The following ZNF804B variants were observed in gnomAD, a reference collection of about 807,000 sequenced individuals.
ZNF804B encodes the protein zinc finger 804B.
In ZNF804B, 80 loss-of-function variants were observed where a neutral mutation model predicts 101.4. That is an observed-to-expected ratio of 0.79 (90% confidence interval 0.66 to 0.95). ZNF804B has a LOEUF of 0.95. Ranked by LOEUF, ZNF804B falls within the 40% of genes least tolerant of loss-of-function variation. The pLI is 0.00. For missense variants in ZNF804B, 1,673 were observed against 1,561.9 expected (o/e 1.07, Z -1.20); for synonymous variants, 622 against 558.8 (o/e 1.11, Z -1.59).
At chr7:89,285,549 G>A (rs71541405) in intron 2 of ZNF804B, among the ~76,000 whole-genome samples, 7,510 of 40,984 alleles carry the variant, frequency 0.18, 348 homozygotes, top group Non-Finnish European at 0.22. Flanking sequence ...AAAAAAAAAA[G>A]AAGAAGAAGA....
chr7:89,222,278 A>G (rs1055077276), intron 2 of ZNF804B, among the ~76,000 whole-genome samples: 3 of 151,888 alleles, frequency 2.0e-5, no homozygotes, highest in Non-Finnish European at 2.9e-5. Flanking sequence ...TGCTTTTTGC[A>G]GTGCATCTTG....
Position 89,334,976 on chromosome 7 carries a change from G to A in ZNF804B, c.1994G>A (p.Gly665Asp). ...NCKSSPCTVG[G>D]HSDHGKDFSV... ...AAGTCCAGTCCTTGTACAGTAGGGG[G>A]TCACAGTGACCATGGGAAAGACTTC... Residue 665 changes from glycine (G) to aspartate (D), a missense_variant, in exon 4 of 4, where the codon GGT (glycine) becomes GAT (aspartate). Coordinates refer to ENST00000333190, the MANE Select transcript of ZNF804B (RefSeq NM_181646.5). 1 of 1,613,908 alleles carries A rather than the reference G, an allele frequency of 6.2e-7. No homozygotes were observed. Among genetic ancestry groups the A allele is most frequent in the Middle Eastern group, 1.6e-4 (1 of 6,062 alleles).
intron 1 of ZNF804B, among the ~76,000 whole-genome samples, chr7:89,000,655 T>C (rs1788272617): frequency 1.3e-5 from 2 of 151,820 alleles, no homozygotes; most frequent in Non-Finnish European, 2.9e-5. Context: ...TCACTGCCTC[T>C]GATAGCCACC....
At chr7:88,896,850 G>A (rs1283906939) in intron 1 of ZNF804B, among the ~76,000 whole-genome samples, 1 of 152,148 alleles carries the variant, frequency 6.6e-6, no homozygotes, top group East Asian at 1.9e-4. Flanking sequence ...ATTTGGCAGG[G>A]CATTTGAAAG....
At chr7:89,009,177 T>G (rs923759446) in intron 1 of ZNF804B, among the ~76,000 whole-genome samples, 2 of 152,226 alleles carry the variant, frequency 1.3e-5, no homozygotes, top group Admixed American at 6.6e-5. Flanking sequence ...ATTTTCACTT[T>G]TCTTCTTTTA....
At chr7:89,152,992 T>A (rs999694958) in intron 1 of ZNF804B, among the ~76,000 whole-genome samples, 2 of 152,118 alleles carry the variant, frequency 1.3e-5, no homozygotes, top group Non-Finnish European at 2.9e-5. Flanking sequence ...AACTTAAATG[T>A]CATAAATCTT....
intron 1 of ZNF804B, among the ~76,000 whole-genome samples, chr7:89,102,471 G>A (rs1483894257): frequency 6.6e-6 from 1 of 151,834 alleles, no homozygotes; most frequent in African/African-American, 2.4e-5. Context: ...TTTGTTGGTC[G>A]CTTGTGTTTC....
At chr7:88,824,209 C>T (rs1238533332) in intron 1 of ZNF804B, among the ~76,000 whole-genome samples, 1 of 152,072 alleles carries the variant, frequency 6.6e-6, no homozygotes, top group African/African-American at 2.4e-5. Flanking sequence ...GTTTCCCCAC[C>T]CATATCTCAT....
chr7:89,088,014 C>T (rs563446311), intron 1 of ZNF804B, among the ~76,000 whole-genome samples: 12 of 150,658 alleles, frequency 8.0e-5, no homozygotes, highest in South Asian at 2.1e-4. Flanking sequence ...TAATTTATTT[C>T]GTTTCCACCA....
intron 1 of ZNF804B, among the ~76,000 whole-genome samples, chr7:89,174,731 C>T (rs575311656): frequency 3.2e-4 from 48 of 151,996 alleles, no homozygotes; most frequent in Non-Finnish European, 7.4e-5. Context: ...ATGAGGGTTT[C>T]CTTTTCCATA....
intron 1 of ZNF804B, among the ~76,000 whole-genome samples, chr7:89,204,072 A>T: frequency 6.6e-6 from 1 of 152,196 alleles, no homozygotes; most frequent in East Asian, 1.9e-4. Context: ...GACTCTCACA[A>T]ATTTTAAATT....
chr7:88,902,260 T>C (rs905834133), intron 1 of ZNF804B, among the ~76,000 whole-genome samples: 7 of 152,022 alleles, frequency 4.6e-5, no homozygotes, highest in African/African-American at 1.2e-4. Context: ...GTTTTTATTA[T>C]TTCCCAAAAC....
intron 1 of ZNF804B, among the ~76,000 whole-genome samples, chr7:88,815,985 T>A (rs1170585526): frequency 6.6e-6 from 1 of 152,184 alleles, no homozygotes; most frequent in African/African-American, 2.4e-5. Context: ...CCAGGCCTCT[T>A]GCTGTTGAAT....
chr7:89,078,295 G>GA (rs1420810309), intron 1 of ZNF804B, among the ~76,000 whole-genome samples: 1 of 151,964 alleles, frequency 6.6e-6, no homozygotes, highest in Non-Finnish European at 1.5e-5. Context: ...TTTGTGCTAG[G>GA]AAAAACAAAT....
intron 1 of ZNF804B, among the ~76,000 whole-genome samples, chr7:88,935,510 C>G (rs1288792040): frequency 6.6e-6 from 1 of 151,572 alleles, no homozygotes; most frequent in Non-Finnish European, 1.5e-5. Context: ...ATGGTGAGAC[C>G]TCACTCTATT....
At chr7:89,256,594 A>C (rs147922257) in intron 2 of ZNF804B, among the ~76,000 whole-genome samples, 43 of 152,316 alleles carry the variant, frequency 2.8e-4, no homozygotes, top group African/African-American at 1.0e-3. Context: ...AAGCACTTAA[A>C]ATAAACATTC....
At chr7:89,213,779 T>C (rs1788840276) in intron 1 of ZNF804B, among the ~76,000 whole-genome samples, 1 of 151,174 alleles carries the variant, frequency 6.6e-6, no homozygotes, top group African/African-American at 2.4e-5. Flanking sequence ...AATGAATTTC[T>C]AAACATGTTT....
At chr7:89,085,193 C>A (rs1789771723) in intron 1 of ZNF804B, among the ~76,000 whole-genome samples, 1 of 151,888 alleles carries the variant, frequency 6.6e-6, no homozygotes, top group African/African-American at 2.4e-5. Context: ...GGGGAACATT[C>A]ATAAATTGAC....
chr7:89,044,235 C>G (rs143314407), intron 1 of ZNF804B, among the ~76,000 whole-genome samples: 449 of 152,282 alleles, frequency 2.9e-3, no homozygotes, highest in Middle Eastern at 0.01. Context: ...TTCCTGCCAT[C>G]ATGTGAAGAA....
Sources: allele counts gnomAD v4.1 joint callset (sites outside exome capture counted in the v4.1 genomes callset), GRCh38; gene constraint gnomAD v4.1.1; transcripts MANE v1.5; gene names NCBI Gene and HGNC (gene_info 2026-07-23, HGNC 2026-07-21).